PELI2: variants seen among roughly 807,000 people sequenced by gnomAD.
The protein encoded by PELI2 is pellino E3 ubiquitin protein ligase family member 2.
A neutral mutation model predicts 42.3 loss-of-function variants in PELI2; 23 were observed. The ratio of observed to expected loss-of-function variants is 0.54; its 90% CI spans 0.39 to 0.77. The LOEUF is 0.77. Among genes scored for constraint, PELI2 ranks in the 30% least tolerant of loss-of-function variants. The pLI is 0.00. For missense variants in PELI2, 463 were observed against 553.2 expected, an observed-to-expected ratio of 0.84 and a Z score of 1.64; for synonymous variants, 245 against 212.2, an observed-to-expected ratio of 1.15 and a Z score of -1.34.
At chr14:56,282,876 A>C (rs1889525708) in intron 3 of PELI2, among the ~76,000 whole-genome samples, 2 of 152,084 alleles carry the variant, frequency 1.3e-5, no homozygotes, top group African/African-American at 4.8e-5. Flanking sequence ...AAGTTTTTTT[A>C]CTACTTACAG....
At chr14:56,122,220 C>A (rs1470497052) in intron 1 of PELI2, among the ~76,000 whole-genome samples, 1 of 152,102 alleles carries the variant, frequency 6.6e-6, no homozygotes, top group Non-Finnish European at 1.5e-5. Context: ...ATGTAACAAA[C>A]CTGCACATTC....
intron 1 of PELI2, among the ~76,000 whole-genome samples, chr14:56,142,986 T>C (rs1235513117): frequency 6.6e-6 from 1 of 152,206 alleles, no homozygotes; most frequent in Non-Finnish European, 1.5e-5. Flanking sequence ...AAATTAGCAG[T>C]GGTACAATAT....
Position 56,155,232 on chromosome 14 carries a change from T to A in PELI2, c.78-23103T>A, listed in dbSNP as rs930625125. ...ATTTTTATGTATTCAAGCATATCAA[T>A]CTGTTGGGTTTTTTTTTTTGGTTAA... On this transcript the variant is annotated intron_variant, in intron 1 of 5. Coordinates refer to ENST00000267460, the MANE Select transcript of PELI2 (RefSeq NM_021255.3). Among the ~76,000 whole-genome samples, 19 of 134,724 alleles carry A rather than the reference T, an allele frequency of 1.4e-4. No homozygotes were observed. In the East Asian group the frequency reaches 2.9e-3, roughly 21 times the overall value. The allele number at this position is 134,724 out of a possible 152,430, so 88.4% of individuals were successfully genotyped here. A position where few individuals can be genotyped will look rare whatever the true frequency, so the allele number is the denominator to read the frequency against.
chr14:56,247,342 A>G (rs1181250783), intron 2 of PELI2, among the ~76,000 whole-genome samples: 1 of 152,154 alleles, frequency 6.6e-6, no homozygotes, highest in Non-Finnish European at 1.5e-5. Context: ...AGTATACTCT[A>G]TCCCCTTAAT....
intron 2 of PELI2, among the ~76,000 whole-genome samples, chr14:56,254,170 G>A (rs1427680114): frequency 3.3e-5 from 5 of 152,180 alleles, no homozygotes; most frequent in Non-Finnish European, 5.9e-5. Flanking sequence ...GGAGGCCAAG[G>A]CAGGCAGATC....
chr14:56,267,184 G>A (rs1566674120), intron 2 of PELI2, among the ~76,000 whole-genome samples: 1 of 151,984 alleles, frequency 6.6e-6, no homozygotes, highest in Admixed American at 6.6e-5. Context: ...TCAAGAACCC[G>A]AGGGACCCCA....
intron 1 of PELI2, among the ~76,000 whole-genome samples, chr14:56,146,725 G>A (rs1439550622): frequency 6.6e-6 from 1 of 151,994 alleles, no homozygotes; most frequent in Non-Finnish European, 1.5e-5. Flanking sequence ...GGAATTATTA[G>A]GTTTGCATGA....
chr14:56,163,450 G>A (rs946130530), intron 1 of PELI2, among the ~76,000 whole-genome samples: 4 of 152,014 alleles, frequency 2.6e-5, no homozygotes, highest in Admixed American at 2.6e-4. Context: ...TTTTATACCA[G>A]TACCATGCTG....
In PELI2 at chr14:56,138,088, C is replaced by G. The variant is rs59066038; in HGVS notation, c.77+19351C>G. On this transcript the variant is annotated intron_variant, in intron 1 of 5. Transcript: ENST00000267460. The stretch of plus-strand genomic sequence containing the variant: ...GGGTCAGCCAGGCTGCATGCCTTAC[C>G]TCTCCCCAGCCCGCTCTCGCTGCAC... 6.6e-3 allele frequency among the ~76,000 whole-genome samples: 1,005 copies of G among 152,346 alleles called. 5 individuals are homozygous for G. Among genetic ancestry groups the G allele is most frequent in the African/African-American group, 0.023 (965 of 41,580 alleles).
At chr14:56,255,341 A>G (rs1888490058) in intron 2 of PELI2, among the ~76,000 whole-genome samples, 1 of 152,248 alleles carries the variant, frequency 6.6e-6, no homozygotes, top group Non-Finnish European at 1.5e-5. Flanking sequence ...TTGCAGGGAC[A>G]TGAATGAAGC....
intron 2 of PELI2, among the ~76,000 whole-genome samples, chr14:56,198,193 G>C (rs1886209369): frequency 2.0e-5 from 3 of 152,134 alleles, no homozygotes; most frequent in Admixed American, 2.0e-4. Context: ...AGAGGAGCCG[G>C]TTTAAGGAGA....
chr14:56,143,385 T>G (rs559293196), intron 1 of PELI2, among the ~76,000 whole-genome samples: 1 of 152,368 alleles, frequency 6.6e-6, no homozygotes. Context: ...CTGTAGTTAT[T>G]ATTGTTCCCT....
In PELI2 at chr14:56,118,615, G is replaced by C. The variant is rs3742574; in HGVS notation, c.-46G>C. On this transcript the variant is annotated 5_prime_UTR_variant, in exon 1 of 6. Transcript: ENST00000267460. ...GCGCGGACTCGGCGGGGATCGCGGC[G>C]GAGGCGGCGGCGTCGGCGGCGGCGT... 1.1e-4 allele frequency: 137 copies of C among 1,228,960 alleles called. 2 individuals are homozygous for C. In the East Asian group the frequency reaches 4.4e-3, roughly 40 times the overall value. 76.1% of individuals were successfully genotyped at this position (1,228,960 alleles called of 1,614,324 possible). A position where few individuals can be genotyped will look rare whatever the true frequency, so the allele number is the denominator to read the frequency against.
intron 2 of PELI2, among the ~76,000 whole-genome samples, chr14:56,264,507 C>A (rs931272112): frequency 2.6e-5 from 4 of 152,100 alleles, no homozygotes; most frequent in Non-Finnish European, 5.9e-5. Context: ...TATTAGGAAG[C>A]TGTGGGAAAG....
In PELI2 at chr14:56,290,466, C is replaced by G; in HGVS notation, c.696+10C>G. 1.9e-6 allele frequency: 3 copies of G among 1,570,054 alleles called. No individual in the cohort carries two copies. The highest frequency in any genetic ancestry group is 2.7e-5 in the African/African-American group (2 of 73,972). On this transcript the variant is annotated intron_variant, in intron 5 of 5. Coordinates refer to ENST00000267460, the MANE Select transcript of PELI2 (RefSeq NM_021255.3). ...GCAACGAGGAAAGCTGGTGAGTGTG[C>G]TTCACTCTGCAAGTGTGAAGTACGA... is the stretch of plus-strand genomic sequence containing the variant.
chr14:56,122,518 A>G (rs969613246), intron 1 of PELI2, among the ~76,000 whole-genome samples: 7 of 151,992 alleles, frequency 4.6e-5, no homozygotes, highest in Non-Finnish European at 7.4e-5. Context: ...CTAATGGCCC[A>G]TGGTGGTTTT....
At chr14:56,285,905 C>G (rs1407395017) in intron 3 of PELI2, among the ~76,000 whole-genome samples, 3 of 152,170 alleles carry the variant, frequency 2.0e-5, no homozygotes, top group Non-Finnish European at 4.4e-5. Flanking sequence ...TCAAACTGCA[C>G]TCCCTCTGCC....
chr14:56,238,522 A>C (rs1481094320), intron 2 of PELI2, among the ~76,000 whole-genome samples: 2 of 152,102 alleles, frequency 1.3e-5, no homozygotes, highest in South Asian at 2.1e-4. Flanking sequence ...CCATCTCTCT[A>C]ATGATTTTGC....
intron 2 of PELI2, among the ~76,000 whole-genome samples, chr14:56,232,309 A>C (rs1402995938): frequency 6.6e-6 from 1 of 152,090 alleles, no homozygotes; most frequent in African/African-American, 2.4e-5. Flanking sequence ...ACAACAAAAA[A>C]AGAGAATTTT....
Sources: gnomAD v4.1 joint callset for allele counts (sites outside exome capture counted in the v4.1 genomes callset) on GRCh38, gnomAD v4.1.1 for gene constraint, MANE v1.5 for transcripts, NCBI Gene and HGNC (gene_info 2026-07-23, HGNC 2026-07-21) for gene names.